MECOM: variants seen among roughly 807,000 people sequenced by gnomAD.
MECOM encodes the protein MDS1 and EVI1 complex locus.
In MECOM, 13 loss-of-function variants were observed where a neutral mutation model predicts 116.3. The observed-to-expected ratio is 0.11, with a 90% CI of 0.07 to 0.18. MECOM has a LOEUF of 0.18. MECOM is among the 10% of genes least tolerant of loss of function. The pLI is 1.00. For synonymous variants in MECOM, 528 were observed against 535.2 expected (o/e 0.99, Z 0.19); for missense variants, 1,299 against 1,509.0 (o/e 0.86, Z 2.31).
At chr3:169,426,177 G>A (rs1000987639) in intron 1 of MECOM, among the ~76,000 whole-genome samples, 3 of 152,092 alleles carry the variant, frequency 2.0e-5, no homozygotes, top group African/African-American at 7.2e-5. Context: ...GGCTGAGTTT[G>A]CTCCATCCAT....
At chr3:169,107,806 C>T in intron 10 of MECOM, 120 bp downstream of exon 10, 1 of 751,044 alleles carries the variant, frequency 1.3e-6, no homozygotes, top group Non-Finnish European at 2.2e-6. Flanking sequence ...TCTGCTGGAA[C>T]CATATCACGT....
At chr3:169,613,023 C>T (rs1219117729) in intron 1 of MECOM, among the ~76,000 whole-genome samples, 1 of 152,158 alleles carries the variant, frequency 6.6e-6, no homozygotes, top group African/African-American at 2.4e-5. Flanking sequence ...TCCCCAGGAC[C>T]AAATCCAGCA....
At chr3:169,143,483 A>G (rs1433479399) in intron 3 of MECOM, among the ~76,000 whole-genome samples, 4 of 152,160 alleles carry the variant, frequency 2.6e-5, no homozygotes, top group Non-Finnish European at 5.9e-5. Flanking sequence ...TATGAAGGAT[A>G]CTAGTACAAA....
intron 2 of MECOM, among the ~76,000 whole-genome samples, chr3:169,210,889 T>C (rs1297422291): frequency 3.9e-5 from 6 of 152,268 alleles, no homozygotes; most frequent in Non-Finnish European, 7.4e-5. Flanking sequence ...AGAGCCTGGA[T>C]TCTTTGTGTC....
intron 2 of MECOM, among the ~76,000 whole-genome samples, chr3:169,173,234 C>G (rs1264707727): frequency 6.6e-6 from 1 of 152,086 alleles, no homozygotes; most frequent in Admixed American, 6.6e-5. Context: ...TCATTTTCTA[C>G]TTCTCTGGAT....
chr3:169,149,560 G>C (rs572475718), intron 2 of MECOM: 1 of 305,500 alleles, frequency 3.3e-6, no homozygotes, highest in Non-Finnish European at 6.9e-6. Flanking sequence ...GCCTCTGCCC[G>C]CCAGGCGCCG....
chr3:169,176,874 A>G (rs1406004141), intron 2 of MECOM, among the ~76,000 whole-genome samples: 1 of 152,220 alleles, frequency 6.6e-6, no homozygotes, highest in Non-Finnish European at 1.5e-5. Flanking sequence ...AAAGCTCAAC[A>G]TCACTGATCA....
At chr3:169,339,669 A>T (rs1211905504) in intron 2 of MECOM, among the ~76,000 whole-genome samples, 2 of 152,158 alleles carry the variant, frequency 1.3e-5, no homozygotes, top group Non-Finnish European at 2.9e-5. Context: ...ATATTAAGGT[A>T]TGAGAAGCAC....
At chr3:169,395,389 T>C (rs1734868056) in intron 1 of MECOM, among the ~76,000 whole-genome samples, 1 of 152,180 alleles carries the variant, frequency 6.6e-6, no homozygotes. Context: ...CTAACATAAA[T>C]GTTCAAAAGG....
chr3:169,255,096 G>T (rs1376492542), intron 2 of MECOM, among the ~76,000 whole-genome samples: 3 of 152,100 alleles, frequency 2.0e-5, no homozygotes, highest in African/African-American at 7.2e-5. Flanking sequence ...TAGATAATTT[G>T]CCCAAAGTTA....
In MECOM at chr3:169,129,290, G is replaced by A. The variant is rs142668609; in HGVS notation, c.614-1230C>T. 4.1e-3 allele frequency among the ~76,000 whole-genome samples: 617 copies of A among 152,052 alleles called. 4 individuals are homozygous for A. Among genetic ancestry groups the A allele is most frequent in the African/African-American group, 0.014 (595 of 41,492 alleles). ...GTAGGTTCACAGAGCACATGTAAGG[G>A]AGGAGTGGAAAATGAAGCTGGAGGG... On this transcript the variant is annotated intron_variant, in intron 4 of 16. Coordinates refer to ENST00000651503, the MANE Select transcript of MECOM (RefSeq NM_004991.4).
At chr3:169,383,132 T>C (rs573789142) in intron 1 of MECOM, among the ~76,000 whole-genome samples, 1 of 152,256 alleles carries the variant, frequency 6.6e-6, no homozygotes, top group African/African-American at 2.4e-5. Flanking sequence ...TCATCATCAA[T>C]TGCCCATCAA....
At chr3:169,470,522 C>T (rs192091864) in intron 1 of MECOM, among the ~76,000 whole-genome samples, 25 of 152,288 alleles carry the variant, frequency 1.6e-4, no homozygotes, top group African/African-American at 5.8e-4. Flanking sequence ...CACAACTTCA[C>T]AGTCACAGTT....
At chr3:169,375,292 A>G (rs1221014953) in intron 2 of MECOM, among the ~76,000 whole-genome samples, 1 of 152,142 alleles carries the variant, frequency 6.6e-6, no homozygotes, top group East Asian at 1.9e-4. Context: ...ACAAATTCAA[A>G]AGCTAGCAGA....
At chr3:169,582,940 T>A (rs759800869) in intron 1 of MECOM, among the ~76,000 whole-genome samples, 1 of 152,246 alleles carries the variant, frequency 6.6e-6, no homozygotes, top group South Asian at 2.1e-4. Flanking sequence ...AAATATCATG[T>A]GTTCCCAAAC....
intron 3 of MECOM, among the ~76,000 whole-genome samples, chr3:169,139,533 A>G (rs1737448983): frequency 6.6e-6 from 1 of 152,130 alleles, no homozygotes; most frequent in African/African-American, 2.4e-5. Context: ...ACTTACATAA[A>G]TTGTATTAAT....
intron 1 of MECOM, among the ~76,000 whole-genome samples, chr3:169,651,836 G>A (rs1246732984): frequency 2.0e-5 from 3 of 152,140 alleles, no homozygotes; most frequent in African/African-American, 7.2e-5. Context: ...CTATATGTAT[G>A]TATGTGCTAA....
At chr3:169,225,664 CA>C (rs1752638828) in intron 2 of MECOM, among the ~76,000 whole-genome samples, 4 of 152,188 alleles carry the variant, frequency 2.6e-5, no homozygotes, top group Non-Finnish European at 5.9e-5. Context: ...GGCTGGAGTG[CA>C]GTGGTGCGAT....
chr3:169,621,130 T>G (rs1770667353), intron 1 of MECOM, among the ~76,000 whole-genome samples: 1 of 152,208 alleles, frequency 6.6e-6, no homozygotes, highest in African/African-American at 2.4e-5. Flanking sequence ...TATAAAGAAT[T>G]TAAAACAGAT....
Sources: allele counts gnomAD v4.1 joint callset (sites outside exome capture counted in the v4.1 genomes callset), GRCh38; gene constraint gnomAD v4.1.1; transcripts MANE v1.5; gene names NCBI Gene and HGNC (gene_info 2026-07-23, HGNC 2026-07-21).